The following NAT10 variants were observed in gnomAD, a reference collection of about 807,000 sequenced individuals.
NAT10 encodes the protein RNA cytidine acetyltransferase.
Under a neutral mutation model 132.2 loss-of-function variants are expected in NAT10, and 109 were observed. That is an observed-to-expected ratio of 0.82 (90% CI 0.71 to 0.97). The LOEUF (loss-of-function observed/expected upper bound fraction) is 0.97, where lower values mean the gene tolerates loss of function less well. NAT10 is among the 50% of genes least tolerant of loss of function. NAT10 has a pLI of 0.00. For missense variants in NAT10, 1,184 were observed against 1,263.4 expected, an observed-to-expected ratio of 0.94 and a Z score of 0.95; for synonymous variants, 479 against 478.0, an observed-to-expected ratio of 1.00 and a Z score of -0.03.
chr11:34,139,952 T>C (rs528339123), intron 23 of NAT10, among the ~76,000 whole-genome samples: 2 of 152,364 alleles, frequency 1.3e-5, no homozygotes, highest in Non-Finnish European at 2.9e-5. Flanking sequence ...ATATTTTATA[T>C]ATAAATATTT....
At position 34,124,311 on chromosome 11, in the gene NAT10, G is replaced by C. The variant is rs1461083385; in HGVS notation, c.1018G>C (p.Asp340His). Residue 340 changes from aspartate to histidine, a missense_variant, in exon 11 of 29, where the codon GAT (aspartate) becomes CAT (histidine). Coordinates refer to ENST00000257829, the MANE Select transcript of NAT10 (RefSeq NM_024662.3). Reference protein sequence around the residue: ...FDALQYQEHLDYEIIQSLNPE... With the variant: ...FDALQYQEHLHYEIIQSLNPE... ...TTTGACTCCCCACCAGGAACATCTG[G>C]ATTATGAGATTATCCAGTCTCTAAA... 1 of 1,611,532 alleles carries C rather than the reference G, an allele frequency of 6.2e-7. No homozygotes were observed. Among genetic ancestry groups the C allele is most frequent in the East Asian group, 2.2e-5 (1 of 44,854 alleles).
chr11:34,109,711 T>C (rs1291702349), intron 3 of NAT10, among the ~76,000 whole-genome samples: 2 of 152,242 alleles, frequency 1.3e-5, no homozygotes, highest in Non-Finnish European at 2.9e-5. Context: ...ATGGGATATT[T>C]CCTGGAATCC....
At chr11:34,127,972 ATGAC>A (rs1852028894) in intron 12 of NAT10, among the ~76,000 whole-genome samples, 1 of 152,230 alleles carries the variant, frequency 6.6e-6, no homozygotes, top group South Asian at 2.1e-4. Context: ...CAAGCTCATA[ATGAC>A]TTTTTTTAAA....
intron 26 of NAT10, chr11:34,142,018 T>TTGTG (rs771326825): frequency 4.8e-6 from 3 of 619,214 alleles, no homozygotes; most frequent in Non-Finnish European, 8.5e-6. Flanking sequence ...CTCCCACTGA[T>TTGTG]TGTGTGTGTG....
chr11:34,110,405 C>T (rs906765025), intron 3 of NAT10, among the ~76,000 whole-genome samples: 14 of 151,778 alleles, frequency 9.2e-5, no homozygotes, highest in Non-Finnish European at 1.6e-4. Context: ...CTGCCTCCTC[C>T]GTGAAACTTT....
In NAT10 at chr11:34,122,595, A is replaced by G. The variant is rs768552847; in HGVS notation, c.914+3A>G. On this transcript the variant is annotated splice_donor_region_variant and intron_variant, in intron 9 of 28. Transcript: ENST00000257829. The stretch of plus-strand genomic sequence containing the variant: ...ATTGCTGGGGCGGTGGCATTTGGGT[A>G]AGGGGATTCAGTCCCCCATCTTTAG... 3.7e-6 allele frequency: 6 copies of G among 1,613,674 alleles called. No individual in the cohort carries two copies. The Admixed American group carries it at 8.3e-5, about 22-fold the overall frequency.
At position 34,139,380 on chromosome 11, in the gene NAT10, C is replaced by G; in HGVS notation, c.2309-5C>G. The G allele has an allele frequency of 6.2e-7, 1 of 1,614,046 alleles. No individual in the cohort carries two copies. Among genetic ancestry groups the G allele is most frequent in the Non-Finnish European group, 8.5e-7 (1 of 1,179,916 alleles). ...CCTCTAACTCTGCGTGATGGCACCCCACAGATTTCCGACGGCGGTTCCTAG... is the reference window on the plus strand; with the variant it reads ...CCTCTAACTCTGCGTGATGGCACCCGACAGATTTCCGACGGCGGTTCCTAG... On this transcript the variant is annotated splice_polypyrimidine_tract_variant and splice_region_variant and intron_variant, in intron 22 of 28. Coordinates refer to ENST00000257829, the MANE Select transcript of NAT10 (RefSeq NM_024662.3).
At chr11:34,139,020 G>A in intron 21 of NAT10, 171 bp from the exon 22 acceptor site, 1 of 597,576 alleles carries the variant, frequency 1.7e-6, no homozygotes, top group South Asian at 2.0e-5. Flanking sequence ...GGTGATATGA[G>A]GAAGGTGAAG....
intron 14 of NAT10, among the ~76,000 whole-genome samples, chr11:34,131,804 G>A (rs1413780980): frequency 1.3e-5 from 2 of 150,956 alleles, no homozygotes; most frequent in Non-Finnish European, 1.5e-5. Flanking sequence ...TCCTGCCTCA[G>A]CCTCTTGAGT....
intron 6 of NAT10, among the ~76,000 whole-genome samples, chr11:34,116,922 G>GT (rs1035887224): frequency 6.6e-6 from 1 of 151,958 alleles, no homozygotes; most frequent in African/African-American, 2.4e-5. Flanking sequence ...TAGAGGTGGG[G>GT]TTTTCACTGT....
At chr11:34,125,478 A>G (rs1225160651) in intron 11 of NAT10, among the ~76,000 whole-genome samples, 1 of 151,842 alleles carries the variant, frequency 6.6e-6, no homozygotes, top group Non-Finnish European at 1.5e-5. Context: ...ACTTTATGAG[A>G]CTCCATTTGT....
chr11:34,107,489 C>A (rs978551130), intron 1 of NAT10, among the ~76,000 whole-genome samples: 1 of 152,214 alleles, frequency 6.6e-6, no homozygotes, highest in Non-Finnish European at 1.5e-5. Flanking sequence ...AAAGTCCCAC[C>A]ATCCAGAAGT....
intron 3 of NAT10, among the ~76,000 whole-genome samples, chr11:34,110,956 G>A (rs1015235646): frequency 5.3e-5 from 8 of 152,202 alleles, no homozygotes; most frequent in Admixed American, 5.2e-4. Context: ...GTATTCTGTT[G>A]TATATACTCT....
intron 11 of NAT10, among the ~76,000 whole-genome samples, chr11:34,124,984 G>C (rs1851961424): frequency 6.6e-6 from 1 of 152,206 alleles, no homozygotes; most frequent in Non-Finnish European, 1.5e-5. Flanking sequence ...GAGACTAATG[G>C]GCTCTTACTG....
At chr11:34,143,713 A>T (rs1157835267) in intron 28 of NAT10, among the ~76,000 whole-genome samples, 185 bp downstream of exon 28, 5 of 152,190 alleles carry the variant, frequency 3.3e-5, no homozygotes, top group African/African-American at 1.2e-4. Context: ...CAGGAGGGCC[A>T]TCTCTTAGGC....
chr11:34,127,393 T>G, intron 11 of NAT10, 70 bp from the exon 12 acceptor site: 9 of 1,417,856 alleles, frequency 6.3e-6, no homozygotes, highest in South Asian at 1.3e-5. Flanking sequence ...TCCTTTATGA[T>G]GAGTCGCCAG....
chr11:34,138,599 T>C (rs1852262094), intron 21 of NAT10, among the ~76,000 whole-genome samples: 1 of 152,128 alleles, frequency 6.6e-6, no homozygotes, highest in Non-Finnish European at 1.5e-5. Context: ...TAGTGAGCTG[T>C]GGTGTGGTCT....
At chr11:34,110,254 A>G (rs533794648) in intron 3 of NAT10, among the ~76,000 whole-genome samples, 92 of 151,660 alleles carry the variant, frequency 6.1e-4, no homozygotes, top group African/African-American at 1.9e-3. Flanking sequence ...CTCCGATCTG[A>G]CTCTGAAAGC....
intron 4 of NAT10, among the ~76,000 whole-genome samples, chr11:34,113,066 C>T (rs1245819438): frequency 6.6e-6 from 1 of 152,222 alleles, no homozygotes; most frequent in East Asian, 1.9e-4. Context: ...TCATTTTCAC[C>T]TTTACTCAGG....
Sources: gnomAD v4.1 joint callset for allele counts (sites outside exome capture counted in the v4.1 genomes callset) on GRCh38, gnomAD v4.1.1 for gene constraint, MANE v1.5 for transcripts, NCBI Gene and HGNC (gene_info 2026-07-23, HGNC 2026-07-21) for gene names.